SLFN13: variants seen among roughly 807,000 people sequenced by gnomAD.
SLFN13 encodes the protein schlafen-13.
In SLFN13, 43 loss-of-function variants were observed where a neutral mutation model predicts 50.6. The observed-to-expected ratio is 0.85, with a 90% CI of 0.67 to 1.09. The LOEUF is 1.09. Ranked by LOEUF, SLFN13 falls within the 50% of genes least tolerant of loss-of-function variation. The pLI is 0.00. For missense variants in SLFN13, 881 were observed against 1,071.1 expected, an observed-to-expected ratio of 0.82 and a Z score of 2.48; for synonymous variants, 339 against 386.5, an observed-to-expected ratio of 0.88 and a Z score of 1.44.
rs1393638366 is a variant in SLFN13, at chr17:35,445,072, GA to G, written c.608del (p.Ile203ThrfsTer10). 6.2e-7 allele frequency: 1 copy of G among 1,614,000 alleles called. No homozygotes were observed. Reference sequence around the variant, plus strand: ...TGGATGGAGACTCAGGAAAAGATAGGATTTCACCATATTCAATAGTGTCAGT... The same window carrying G: ...TGGATGGAGACTCAGGAAAAGATAGGTTTCACCATATTCAATAGTGTCAGT... ...FQTDTIEYGE[I>X]LSFPESPSIE... On this transcript the variant is annotated frameshift_variant, in exon 3 of 6. Coordinates refer to ENST00000285013, the MANE Select transcript of SLFN13 (RefSeq NM_144682.6). LOFTEE classifies it high-confidence loss of function.
intron 5 of SLFN13, 93 bp from the exon 6 acceptor site, chr17:35,441,459 C>T: frequency 1.3e-6 from 2 of 1,588,100 alleles, no homozygotes; most frequent in Admixed American, 3.5e-5. Context: ...AGTATATTGC[C>T]ACAGATCATT....
rs753210433 is a variant in SLFN13 at position 35,441,121 on chromosome 17, G to C, written c.2168C>G (p.Pro723Arg). ...SGLPPLSAQY[P>R]REELTRVVRN... ...AACTACTCTGGTGAGCTCTTCTCTT[G>C]GATACTGTGCTGAGAGAGGGGGAAG... The change falls in exon 6 of 6, where the codon CCA (proline) becomes CGA (arginine). Residue 723 changes from proline (P) to arginine (R), a missense_variant. This residue lies in a region of SLFN13 where 322 missense variants were observed against 327.4 expected (regional missense o/e 0.98). Transcript: ENST00000285013. The C allele has an allele frequency of 5.6e-6, 9 of 1,613,992 alleles. No individual in the cohort carries two copies. Among genetic ancestry groups the C allele is most frequent in the Non-Finnish European group, 7.6e-6 (9 of 1,179,994 alleles).
In SLFN13 at chr17:35,440,822, G is replaced by T. The variant is rs887848691; in HGVS notation, c.2467C>A (p.Gln823Lys). Residue 823 changes from glutamine to lysine, a missense_variant, in exon 6 of 6, where the codon CAG (glutamine) becomes AAG (lysine). Physicochemically the swap from Gln to Lys is moderately conservative, Grantham distance 53 (BLOSUM62 1). Around this residue, in one of 5 missense-constraint regions of SLFN13, gnomAD observed 322 missense variants for 327.4 expected, o/e 0.98. Transcript: ENST00000285013. ...CTCATTGCTTTCAAGAGCTTAGACT[G>T]ATACTGCTCCACTTCTGTCACGGTG... is the stretch of plus-strand genomic sequence containing the variant. ...VSTVTEVEQY[Q>K]SKLLKAMRKK... is the part of the protein sequence containing the mutation. The T allele has an allele frequency of 5.6e-6, 9 of 1,614,118 alleles. No individual in the cohort carries two copies. The African/African-American group carries it at 1.2e-4, about 22-fold the overall frequency.
chr17:35,448,993 G>C (rs1567866626), upstream of SLFN13, among the ~76,000 whole-genome samples: 1 of 151,962 alleles, frequency 6.6e-6, no homozygotes, highest in Non-Finnish European at 1.5e-5. Context: ...TTCATCGCTT[G>C]AGCCAAGAAG....
chr17:35,436,907 T>A lies in SLFN13; in HGVS notation c.*3688A>T, dbSNP rs908536537. On this transcript the variant is annotated 3_prime_UTR_variant, in exon 6 of 6. Coordinates refer to ENST00000285013, the MANE Select transcript of SLFN13 (RefSeq NM_144682.6). ...TTTGAGAAAAAAACATAAAGACACTTGAGGCACAACTGATATAATTCAATA... is the reference window on the plus strand; with the variant it reads ...TTTGAGAAAAAAACATAAAGACACTAGAGGCACAACTGATATAATTCAATA... The A allele has an allele frequency of 2.0e-5, 3 of 152,116 alleles. No individual in the cohort carries two copies. Among genetic ancestry groups the A allele is most frequent in the African/African-American group, 7.2e-5 (3 of 41,446 alleles). 9.4% of individuals were successfully genotyped at this position (152,116 alleles called of 1,614,324 possible). A position where few individuals can be genotyped will look rare whatever the true frequency, so the allele number is the denominator to read the frequency against.
rs1318423147 is a variant in SLFN13 at position 35,440,514 on chromosome 17, G to GA, written c.*80dup. 1 of 1,495,020 alleles carries GA rather than the reference G, an allele frequency of 6.7e-7. No individual in the cohort carries two copies. The highest frequency in any genetic ancestry group is 9.1e-7 in the Non-Finnish European group (1 of 1,098,364). The allele number at this position is 1,495,020 out of a possible 1,614,324, so 92.6% of individuals were successfully genotyped here. A position where few individuals can be genotyped will look rare whatever the true frequency, so the allele number is the denominator to read the frequency against. On this transcript the variant is annotated 3_prime_UTR_variant, in exon 6 of 6. Transcript: ENST00000285013. ...CTCTAACTGACTTGTGAACTAAAAAGAAAGGTTTCTACCATCAGCAGACTG... is the reference window on the plus strand; with the variant it reads ...CTCTAACTGACTTGTGAACTAAAAAGAAAAGGTTTCTACCATCAGCAGACTG...
intron 1 of SLFN13, among the ~76,000 whole-genome samples, 151 bp downstream of exon 1, chr17:35,448,571 C>A (rs1353469105): frequency 6.6e-6 from 1 of 151,344 alleles, no homozygotes; most frequent in Non-Finnish European, 1.5e-5. Context: ...CCGACTCCAC[C>A]GGCTGGCCGG....
rs8064840 is a variant in SLFN13 at position 35,439,408 on chromosome 17, T to G, written c.*1187A>C. On this transcript the variant is annotated 3_prime_UTR_variant, in exon 6 of 6. Coordinates refer to ENST00000285013, the MANE Select transcript of SLFN13 (RefSeq NM_144682.6). ...CAAGAATGACATAAAACTTAAGTAG[T>G]TATGCTATAGAGTAATGCATACAGC... 93,440 of 151,980 alleles carry G rather than the reference T, an allele frequency of 0.61. 30,366 individuals carry two copies. The highest frequency in any genetic ancestry group is 0.83 in the African/African-American group (34,404 of 41,492). The allele number at this position is 151,980 out of a possible 1,614,324, so 9.4% of individuals were successfully genotyped here. A position where few individuals can be genotyped will look rare whatever the true frequency, so the allele number is the denominator to read the frequency against.
chr17:35,442,504 C>T (rs1912972535), intron 4 of SLFN13, among the ~76,000 whole-genome samples: 1 of 152,208 alleles, frequency 6.6e-6, no homozygotes, highest in Non-Finnish European at 1.5e-5. Context: ...AGTGCAGTGG[C>T]CCGATCTTGG....
Position 35,440,567 on chromosome 17 carries a change from T to A in SLFN13, c.*28A>T, listed in dbSNP as rs1441721683. 2.5e-6 allele frequency: 4 copies of A among 1,610,330 alleles called. No homozygotes were observed. The highest frequency in any genetic ancestry group is 2.5e-6 in the Non-Finnish European group (3 of 1,177,444). On this transcript the variant is annotated 3_prime_UTR_variant, in exon 6 of 6. Transcript: ENST00000285013. Reference sequence around the variant, plus strand: ...ACCCATAGACATTTACACAGTATTTTGGTTTGGAGTTCTTCCTAATAGTCA... The same window carrying A: ...ACCCATAGACATTTACACAGTATTTAGGTTTGGAGTTCTTCCTAATAGTCA...
chr17:35,444,860 G>A lies in SLFN13; in HGVS notation c.821C>T (p.Ala274Val). 1 of 1,614,206 alleles carries A rather than the reference G, an allele frequency of 6.2e-7. No individual in the cohort carries two copies. Among genetic ancestry groups the A allele is most frequent in the Non-Finnish European group, 8.5e-7 (1 of 1,180,036 alleles). Reference sequence around the variant, plus strand: ...AATGGGCAACTTAGAAATTGCTCTTGCAATTACATTTTTCAAAGAGTCAGG... The same window carrying A: ...AATGGGCAACTTAGAAATTGCTCTTACAATTACATTTTTCAAAGAGTCAGG... ...VDPDSLKNVI[A>V]RAISKLPIVH... The change falls in exon 3 of 6, where the codon GCA becomes GTA. Residue 274 changes from alanine (A) to valine (V), a missense_variant. Around this residue, in one of 5 missense-constraint regions of SLFN13, gnomAD observed 497 missense variants for 518.3 expected, o/e 0.96. Coordinates refer to ENST00000285013, the MANE Select transcript of SLFN13 (RefSeq NM_144682.6).
rs758649325 is a variant in SLFN13 at position 35,445,131 on chromosome 17, A to G, written c.550T>C (p.Ser184Pro). Reference sequence around the variant, plus strand: ...ACTTCATATGCAGGATTTGACTCAGATATGTTCTGGTATACAGCTTTCATA... The same window carrying G: ...ACTTCATATGCAGGATTTGACTCAGGTATGTTCTGGTATACAGCTTTCATA... Reference protein sequence around the residue: ...KIMKAVYQNISESNPAYEVFQ... With the variant: ...KIMKAVYQNIPESNPAYEVFQ... The change falls in exon 3 of 6, where the codon TCT (serine) becomes CCT (proline). Residue 184 changes from serine to proline, a missense_variant. By Grantham distance (74) the Ser-to-Pro change is moderately conservative. Around this residue, in one of 5 missense-constraint regions of SLFN13, gnomAD observed 497 missense variants for 518.3 expected, o/e 0.96. Coordinates refer to ENST00000285013, the MANE Select transcript of SLFN13 (RefSeq NM_144682.6). 2.0e-5 allele frequency: 32 copies of G among 1,613,230 alleles called. No homozygotes were observed. The highest frequency in any genetic ancestry group is 1.9e-5 in the Non-Finnish European group (23 of 1,180,028).
In SLFN13 at chr17:35,441,226, G is replaced by A. The variant is rs765687018; in HGVS notation, c.2063C>T (p.Thr688Ile). ...TCCTGGACAATCCTTTTCTCTCTGA[G>A]TGATGGTTTTTGCCTTCCTATACCA... The part of the protein sequence containing the change: ...GDWYRKAKTI[T>I]QREKDCPGVL... Residue 688 changes from threonine (T) to isoleucine (I), a missense_variant, in exon 6 of 6, where the codon ACT (threonine) becomes ATT (isoleucine). Thr to Ile is a moderately conservative substitution (Grantham distance 89). Around this residue, in one of 5 missense-constraint regions of SLFN13, gnomAD observed 322 missense variants for 327.4 expected, o/e 0.98. Transcript: ENST00000285013. 7.4e-6 allele frequency: 12 copies of A among 1,614,090 alleles called. 1 individual carries two copies. The East Asian group carries it at 2.7e-4, about 36-fold the overall frequency.
rs758920214 is a variant in SLFN13 at position 35,445,662 on chromosome 17, A to G, written c.19T>C (p.Ser7Pro). The G allele has an allele frequency of 1.2e-6, 2 of 1,603,226 alleles. No individual in the cohort carries two copies. Among genetic ancestry groups the G allele is most frequent in the South Asian group, 2.2e-5 (2 of 89,706 alleles). MEANHC[S>P]LGVYPSYPDL... is the part of the protein sequence containing the mutation. ...GGGTAAGATGGATACACACCCAGGG[A>G]GCAGTGATTTGCCTCCATGTTGAAC... The change falls in exon 3 of 6, where the codon TCC (serine) becomes CCC (proline). Residue 7 changes from serine (S) to proline (P), a missense_variant. By Grantham distance (74) the Ser-to-Pro change is moderately conservative (BLOSUM62 -1). Around this residue, in one of 5 missense-constraint regions of SLFN13, gnomAD observed 497 missense variants for 518.3 expected, o/e 0.96. Coordinates refer to ENST00000285013, the MANE Select transcript of SLFN13 (RefSeq NM_144682.6).
intron 3 of SLFN13, 118 bp downstream of exon 3, chr17:35,444,497 G>A: frequency 7.6e-6 from 7 of 919,972 alleles, no homozygotes; most frequent in Non-Finnish European, 1.1e-5. Flanking sequence ...AAAGCATGGA[G>A]ATTTAGAGAA....
Position 35,441,094 on chromosome 17 carries a change from C to T in SLFN13, c.2195G>A (p.Arg732His), listed in dbSNP as rs773376464. Reference protein sequence around the residue: ...YPREELTRVVRNADEIAEYIQ... With the variant: ...YPREELTRVVHNADEIAEYIQ... The stretch of plus-strand genomic sequence containing the variant: ...GTACTCGGCTATTTCATCTGCATTG[C>T]GAACTACTCTGGTGAGCTCTTCTCT... Residue 732 changes from arginine to histidine, a missense_variant, in exon 6 of 6, where the codon CGC becomes CAC. Transcript: ENST00000285013. 63 of 1,613,898 alleles carry T rather than the reference C, an allele frequency of 3.9e-5. 2 individuals are homozygous for T. In the Middle Eastern group the frequency reaches 6.6e-4, roughly 17 times the overall value.
At chr17:35,443,988 A>C in intron 3 of SLFN13, 68 bp from the exon 4 acceptor site, 2 of 1,495,428 alleles carry the variant, frequency 1.3e-6, no homozygotes, top group Middle Eastern at 2.1e-4. Flanking sequence ...AGGCTGTACA[A>C]GGCTGTGTCT....
chr17:35,449,739 G>A (rs1913403748), upstream of SLFN13, among the ~76,000 whole-genome samples: 1 of 152,208 alleles, frequency 6.6e-6, no homozygotes, highest in African/African-American at 2.4e-5. Context: ...AACCCTGGCT[G>A]GTTTTCTTGT....
rs2376263 is a variant in SLFN13, at chr17:35,436,659, A to G, written c.*3936T>C. 35,131 of 152,072 alleles carry G rather than the reference A, an allele frequency of 0.23. 4,360 individuals are homozygous for G. The highest frequency in any genetic ancestry group is 0.28 in the Non-Finnish European group (19,016 of 67,984). 9.4% of individuals were successfully genotyped at this position (152,072 alleles called of 1,614,324 possible). A position where few individuals can be genotyped will look rare whatever the true frequency, so the allele number is the denominator to read the frequency against. ...AACTGAGAACCGTAACAGCCCTTCTATGGAATTCATGCCAAAAATGCATAA... is the reference window on the plus strand; with the variant it reads ...AACTGAGAACCGTAACAGCCCTTCTGTGGAATTCATGCCAAAAATGCATAA... On this transcript the variant is annotated 3_prime_UTR_variant, in exon 6 of 6. Coordinates refer to ENST00000285013, the MANE Select transcript of SLFN13 (RefSeq NM_144682.6).
Sources: gnomAD v4.1 joint callset for allele counts (sites outside exome capture counted in the v4.1 genomes callset) on GRCh38, gnomAD v4.1.1 for gene constraint, gnomAD v4.1.1 regional missense constraint, MANE v1.5 for transcripts, NCBI Gene and HGNC (gene_info 2026-07-23, HGNC 2026-07-21) for gene names.